PIAS1: variants seen among roughly 807,000 people sequenced by gnomAD.
PIAS1 encodes the protein protein inhibitor of activated STAT 1.
PIAS1 carries 6 observed loss-of-function variants against 71.3 expected under a neutral mutation model. The ratio of observed to expected loss-of-function variants is 0.08; its 90% CI spans 0.05 to 0.17. The LOEUF is 0.17. PIAS1 is among the 10% of genes least tolerant of loss of function. The pLI, the probability that PIAS1 is intolerant of heterozygous loss-of-function variation, is 1.00. For missense variants in PIAS1, 555 were observed against 793.6 expected (o/e 0.70, Z 3.61); for synonymous variants, 303 against 292.9 (o/e 1.03, Z -0.35).
In PIAS1 at chr15:68,174,118, C is replaced by T. The variant is rs2093007616; in HGVS notation, c.1169+226C>T. Reference sequence around the variant, plus strand: ...GAAAATGCGTGTGTTACTGTCAGTGCCTCCTGGCATTTGTCGTTGAAAGCA... The same window carrying T: ...GAAAATGCGTGTGTTACTGTCAGTGTCTCCTGGCATTTGTCGTTGAAAGCA... On this transcript the variant is annotated intron_variant, in intron 9 of 13. Transcript: ENST00000249636. This position sits in a 1 kb window ranked among gnomAD's most constrained non-coding sequence, Gnocchi z 4.0. Among the ~76,000 whole-genome samples, 1 of 152,160 alleles carries T rather than the reference C, an allele frequency of 6.6e-6. No homozygotes were observed. The highest frequency in any genetic ancestry group is 1.5e-5 in the Non-Finnish European group (1 of 68,024).
rs2092288063 is a variant in PIAS1, at chr15:68,086,887, C to G, written c.469+137C>G. ...CAGCTGGATAATAATGAAGATCTTT[C>G]AAATTTAGATAAAATCAAATATATA... On this transcript the variant is annotated intron_variant, in intron 2 of 13. Coordinates refer to ENST00000249636, the MANE Select transcript of PIAS1 (RefSeq NM_016166.3). This position sits in a 1 kb window ranked among gnomAD's most constrained non-coding sequence, Gnocchi z 7.2. The G allele has an allele frequency of 1.7e-6, 1 of 579,402 alleles. No homozygotes were observed. Among genetic ancestry groups the G allele is most frequent in the Admixed American group, 3.1e-5 (1 of 32,068 alleles). 35.9% of individuals were successfully genotyped at this position (579,402 alleles called of 1,614,324 possible).
Position 68,182,424 on chromosome 15 carries a change from TAGTG to T in PIAS1, c.1624+1071_1624+1074del, listed in dbSNP as rs925711660. Among the ~76,000 whole-genome samples the T allele has an allele frequency of 8.5e-4, 54 of 63,834 alleles. 1 individual carries two copies. The East Asian group carries it at 0.018, about 21-fold the overall frequency. The allele number at this position is 63,834 out of a possible 152,430, so 41.9% of individuals were successfully genotyped here. A position where few individuals can be genotyped will look rare whatever the true frequency, so the allele number is the denominator to read the frequency against. On this transcript the variant is annotated intron_variant, in intron 12 of 13. Coordinates refer to ENST00000249636, the MANE Select transcript of PIAS1 (RefSeq NM_016166.3). ...AACCCCATTCCCGGGAAGTTACAGC[TAGTG>T]TGTGTGTGTGTGTGTGTGTGTGTGT... is the stretch of plus-strand genomic sequence containing the variant.
chr15:68,172,771 T>C (rs769784402), intron 8 of PIAS1, among the ~76,000 whole-genome samples: 4 of 152,238 alleles, frequency 2.6e-5, no homozygotes, highest in Non-Finnish European at 5.9e-5. Flanking sequence ...GTGGCTTTTC[T>C]GCCTTGGGCT....
At chr15:68,126,609 A>G (rs1403789808) in intron 2 of PIAS1, among the ~76,000 whole-genome samples, 1 of 152,036 alleles carries the variant, frequency 6.6e-6, no homozygotes, top group Non-Finnish European at 1.5e-5. Context: ...CGCCCAGCCA[A>G]TTTTTGTATT....
chr15:68,173,901 C>T lies in PIAS1; in HGVS notation c.1169+9C>T. ...CACCTTATTATTGATGGGTATGTTA[C>T]TTTAAGTGTTTTTGGTACCTTGAAA... On this transcript the variant is annotated intron_variant, in intron 9 of 13. Transcript: ENST00000249636. The surrounding 1 kb of genome is among the most constrained non-coding windows in gnomAD (Gnocchi z 4.3). The T allele has an allele frequency of 6.8e-7, 1 of 1,476,394 alleles. No homozygotes were observed. 91.5% of individuals were successfully genotyped at this position (1,476,394 alleles called of 1,614,324 possible). A position where few individuals can be genotyped will look rare whatever the true frequency, so the allele number is the denominator to read the frequency against.
At chr15:68,104,222 A>G (rs536210536) in intron 2 of PIAS1, among the ~76,000 whole-genome samples, 6 of 152,234 alleles carry the variant, frequency 3.9e-5, no homozygotes, top group African/African-American at 1.4e-4. Flanking sequence ...TTAAAATTTA[A>G]CTTACTCTCA....
chr15:68,135,128 G>C (rs1472743248), intron 2 of PIAS1, among the ~76,000 whole-genome samples: 1 of 48,634 alleles, frequency 2.1e-5, no homozygotes, highest in Non-Finnish European at 8.5e-5. Flanking sequence ...GGACGGGGCG[G>C]CTGGCCTGGC....
chr15:68,150,910 A>G (rs2092839279), intron 6 of PIAS1, among the ~76,000 whole-genome samples: 1 of 152,156 alleles, frequency 6.6e-6, no homozygotes, highest in Non-Finnish European at 1.5e-5. Flanking sequence ...TTATAGTCCC[A>G]AGCATTTCGG....
chr15:68,080,681 G>A (rs190024732), intron 1 of PIAS1, among the ~76,000 whole-genome samples: 1 of 152,282 alleles, frequency 6.6e-6, no homozygotes. Flanking sequence ...AAATACTTTT[G>A]TTGTTGTGTG....
At chr15:68,151,142 C>A (rs1348201049) in intron 6 of PIAS1, among the ~76,000 whole-genome samples, 2 of 151,844 alleles carry the variant, frequency 1.3e-5, no homozygotes, top group Admixed American at 6.6e-5. Context: ...ATACTGTCTA[C>A]CTAGAAAAGA....
intron 1 of PIAS1, among the ~76,000 whole-genome samples, chr15:68,075,017 A>G (rs1489441204): frequency 1.3e-5 from 2 of 151,100 alleles, no homozygotes; most frequent in Non-Finnish European, 2.9e-5. Flanking sequence ...CTTGAAAATG[A>G]ATTTTTATGT....
rs1359578159 is a variant in PIAS1, at chr15:68,187,957, C to CT, written c.*129dup. 4.6e-6 allele frequency: 4 copies of CT among 869,596 alleles called. No homozygotes were observed. The highest frequency in any genetic ancestry group is 1.7e-5 in the African/African-American group (1 of 58,558). The allele number at this position is 869,596 out of a possible 1,614,324, so 53.9% of individuals were successfully genotyped here. On this transcript the variant is annotated 3_prime_UTR_variant, in exon 14 of 14. Coordinates refer to ENST00000249636, the MANE Select transcript of PIAS1 (RefSeq NM_016166.3). The surrounding 1 kb of genome is among the most constrained non-coding windows in gnomAD (Gnocchi z 5.3). The stretch of plus-strand genomic sequence containing the variant: ...AAAGTATACAAGCGTGTTTTTTTTC[C>CT]TTTTTTTAGGGAAAAAATTAAAAGA...
intron 2 of PIAS1, among the ~76,000 whole-genome samples, chr15:68,118,117 G>T (rs912878027): frequency 1.3e-5 from 2 of 152,028 alleles, no homozygotes; most frequent in Non-Finnish European, 2.9e-5. Flanking sequence ...ATCACCTGAG[G>T]TCAGGAGTTT....
intron 2 of PIAS1, among the ~76,000 whole-genome samples, chr15:68,111,134 G>T (rs2092519962): frequency 6.6e-6 from 1 of 152,140 alleles, no homozygotes. Flanking sequence ...TAGTTAATCT[G>T]TCACTAATGG....
At chr15:68,067,558 G>A (rs2092042318) in intron 1 of PIAS1, among the ~76,000 whole-genome samples, 1 of 151,800 alleles carries the variant, frequency 6.6e-6, no homozygotes, top group African/African-American at 2.4e-5. Context: ...ATATTTAACT[G>A]GAGGTCATTG....
chr15:68,057,544 G>A (rs1730945491), intron 1 of PIAS1: 1 of 429,282 alleles, frequency 2.3e-6, no homozygotes, highest in African/African-American at 2.1e-5. Context: ...AATTAAATGG[G>A]AAGAGAAACC....
At chr15:68,135,143 G>GA (rs1472328518) in intron 2 of PIAS1, among the ~76,000 whole-genome samples, 51 of 47,236 alleles carry the variant, frequency 1.1e-3, no homozygotes, top group East Asian at 1.5e-3. Flanking sequence ...CCTGGCGGGG[G>GA]CTGACCCCCC....
intron 2 of PIAS1, among the ~76,000 whole-genome samples, chr15:68,106,267 G>A (rs1223612087): frequency 6.8e-6 from 1 of 147,916 alleles, no homozygotes; most frequent in Non-Finnish European, 1.5e-5. Context: ...GAGATACTTG[G>A]CTATTTGTAC....
intron 1 of PIAS1, among the ~76,000 whole-genome samples, chr15:68,063,987 T>G (rs1452037521): frequency 6.6e-6 from 1 of 152,192 alleles, no homozygotes; most frequent in Non-Finnish European, 1.5e-5. Context: ...ATCTCAATCC[T>G]TGAGTACATT....
Sources: allele counts gnomAD v4.1 joint callset (sites outside exome capture counted in the v4.1 genomes callset), GRCh38; gene constraint gnomAD v4.1.1; non-coding constraint Gnocchi (gnomAD v3.1); transcripts MANE v1.5; gene names NCBI Gene and HGNC (gene_info 2026-07-23, HGNC 2026-07-21).